The following RBM19 variants were observed in gnomAD, a reference collection of about 807,000 sequenced individuals.
RBM19 encodes the protein RNA binding motif protein 19.
A neutral mutation model predicts 116.8 loss-of-function variants in RBM19; 94 were observed. The observed-to-expected ratio is 0.80, with a 90% CI of 0.68 to 0.95. The LOEUF is 0.95. RBM19 is among the 40% of genes least tolerant of loss of function. The pLI is 0.00. For synonymous variants in RBM19, 475 were observed against 494.1 expected (o/e 0.96, Z 0.51); for missense variants, 1,161 against 1,220.7 (o/e 0.95, Z 0.73).
At chr12:113,919,168 T>C (rs1306211430) in intron 19 of RBM19, among the ~76,000 whole-genome samples, 1 of 152,214 alleles carries the variant, frequency 6.6e-6, no homozygotes, top group Non-Finnish European at 1.5e-5. Context: ...GAACAGAGGA[T>C]ACCTTCTCAA....
At chr12:113,853,301 C>T (rs908454879) in intron 22 of RBM19, among the ~76,000 whole-genome samples, 5 of 152,232 alleles carry the variant, frequency 3.3e-5, no homozygotes, top group African/African-American at 7.2e-5. Context: ...TGCCTGCCAA[C>T]GCCAACCACC....
At chr12:113,823,576 A>G (rs1352741758) in intron 23 of RBM19, among the ~76,000 whole-genome samples, 1 of 151,916 alleles carries the variant, frequency 6.6e-6, no homozygotes, top group Non-Finnish European at 1.5e-5. Context: ...CAAAGGGGAA[A>G]TGAGGAGGAG....
chr12:113,893,813 T>C (rs565612160), intron 21 of RBM19, among the ~76,000 whole-genome samples: 1 of 152,278 alleles, frequency 6.6e-6, no homozygotes, highest in African/African-American at 2.4e-5. Context: ...TTGAGTAAAG[T>C]GAAAATTCAA....
chr12:113,955,652 C>T lies in RBM19; in HGVS notation c.841-441G>A, dbSNP rs183528974. ...GGGTTCAGGATCCTTTTTCCCACAA[C>T]TCCGGAATCCAGACACCTCTGAAAA... On this transcript the variant is annotated intron_variant, in intron 6 of 23. Coordinates refer to ENST00000261741, the MANE Select transcript of RBM19 (RefSeq NM_016196.4). Among the ~76,000 whole-genome samples the T allele has an allele frequency of 7.9e-5, 12 of 152,336 alleles. No individual in the cohort carries two copies. In the East Asian group the frequency reaches 1.5e-3, roughly 20 times the overall value.
chr12:113,924,925 A>C (rs1868928970), intron 17 of RBM19, among the ~76,000 whole-genome samples, 168 bp from the exon 18 acceptor site: 1 of 152,186 alleles, frequency 6.6e-6, no homozygotes, highest in Non-Finnish European at 1.5e-5. Context: ...GCAGTCCCTT[A>C]GAGTTCCCCA....
At chr12:113,937,510 G>A (rs1870176016) in intron 15 of RBM19, among the ~76,000 whole-genome samples, 1 of 152,192 alleles carries the variant, frequency 6.6e-6, no homozygotes, top group African/African-American at 2.4e-5. Context: ...AGGAGGAAGT[G>A]TAAAATACCC....
At chr12:113,907,990 A>G (rs534933575) in intron 21 of RBM19, among the ~76,000 whole-genome samples, 1 of 152,128 alleles carries the variant, frequency 6.6e-6, no homozygotes, top group South Asian at 2.1e-4. Context: ...GGGGAAGTGG[A>G]TTTGGGAGGA....
intron 23 of RBM19, among the ~76,000 whole-genome samples, chr12:113,843,269 C>G (rs1340026322): frequency 6.6e-6 from 1 of 152,142 alleles, no homozygotes; most frequent in Non-Finnish European, 1.5e-5. Flanking sequence ...TTGGGGGATG[C>G]TGGCAGCAAA....
intron 13 of RBM19, among the ~76,000 whole-genome samples, chr12:113,943,516 A>G (rs1001644769): frequency 3.2e-4 from 49 of 152,060 alleles, no homozygotes; most frequent in Non-Finnish European, 5.9e-4. Context: ...AACATTGTGC[A>G]TATGTTGAAA....
intron 6 of RBM19, 80 bp from the exon 7 acceptor site, chr12:113,955,291 C>T: frequency 7.2e-7 from 1 of 1,386,104 alleles, no homozygotes; most frequent in Non-Finnish European, 1.0e-6. Context: ...TGGGACATTT[C>T]AGTGCCAGAG....
chr12:113,870,590 T>C, intron 21 of RBM19, among the ~76,000 whole-genome samples: 1 of 152,096 alleles, frequency 6.6e-6, no homozygotes, highest in East Asian at 1.9e-4. Flanking sequence ...GGGCTATCAA[T>C]GGAAAAGCAG....
At chr12:113,832,626 C>A (rs947284227) in intron 23 of RBM19, among the ~76,000 whole-genome samples, 2 of 152,304 alleles carry the variant, frequency 1.3e-5, no homozygotes, top group East Asian at 1.9e-4. Context: ...CCTGCTGAGG[C>A]CTTCAACACC....
At chr12:113,880,593 T>A (rs1242599430) in intron 21 of RBM19, among the ~76,000 whole-genome samples, 1 of 152,134 alleles carries the variant, frequency 6.6e-6, no homozygotes, top group Non-Finnish European at 1.5e-5. Flanking sequence ...CAGCCCTACT[T>A]ACTCAGGGCT....
At chr12:113,849,099 G>A (rs117650431) in intron 22 of RBM19, among the ~76,000 whole-genome samples, 418 of 152,284 alleles carry the variant, frequency 2.7e-3, no homozygotes, top group Non-Finnish European at 4.1e-3. Flanking sequence ...TTACACAGAC[G>A]GCCCAGGGAG....
chr12:113,913,294 CA>C (rs1424540274), intron 21 of RBM19, among the ~76,000 whole-genome samples: 3 of 152,156 alleles, frequency 2.0e-5, no homozygotes, highest in African/African-American at 7.2e-5. Flanking sequence ...CATGTTTAAA[CA>C]AGCAGACATA....
At chr12:113,896,044 A>G in intron 21 of RBM19, among the ~76,000 whole-genome samples, 1 of 152,100 alleles carries the variant, frequency 6.6e-6, no homozygotes, top group Non-Finnish European at 1.5e-5. Flanking sequence ...GGTGCATGGT[A>G]GGGGTACAAT....
chr12:113,928,024 A>G (rs1416760106), intron 16 of RBM19, among the ~76,000 whole-genome samples: 1 of 152,244 alleles, frequency 6.6e-6, no homozygotes, highest in Non-Finnish European at 1.5e-5. Context: ...TAATTTTAGA[A>G]AATGTTCAAT....
In RBM19 at chr12:113,962,308, C is replaced by T. The variant is rs1175239578; in HGVS notation, c.143G>A (p.Gly48Asp). 2.5e-6 allele frequency: 4 copies of T among 1,614,096 alleles called. No homozygotes were observed. The highest frequency in any genetic ancestry group is 3.4e-6 in the Non-Finnish European group (4 of 1,180,050). The change falls in exon 2 of 24, where the codon GGC becomes GAC. Residue 48 changes from glycine to aspartate, a missense_variant. Gly to Asp is a moderately conservative substitution (Grantham distance 94). Coordinates refer to ENST00000261741, the MANE Select transcript of RBM19 (RefSeq NM_016196.4). Reference sequence around the variant, plus strand: ...CTGGGCCTCTTCCTCGGACTTGAAGCCAATAAAACCAAACTTGCGGAACTT... The same window carrying T: ...CTGGGCCTCTTCCTCGGACTTGAAGTCAATAAAACCAAACTTGCGGAACTT... ...DGKFRKFGFI[G>D]FKSEEEAQKA...
chr12:113,869,605 C>T (rs1879071025), intron 21 of RBM19, among the ~76,000 whole-genome samples: 1 of 152,104 alleles, frequency 6.6e-6, no homozygotes, highest in African/African-American at 2.4e-5. Flanking sequence ...CTAATGAAAT[C>T]GTTACTAAAA....
Sources: gnomAD v4.1 joint callset for allele counts (sites outside exome capture counted in the v4.1 genomes callset) on GRCh38, gnomAD v4.1.1 for gene constraint, MANE v1.5 for transcripts, NCBI Gene and HGNC (gene_info 2026-07-23, HGNC 2026-07-21) for gene names.